The following FANCA variants were observed in gnomAD, a reference collection of about 807,000 sequenced individuals.
FANCA encodes the protein FA complementation group A.
A neutral mutation model predicts 194.3 loss-of-function variants in FANCA; 236 were observed. The ratio of observed to expected loss-of-function variants is 1.21; its 90% CI spans 1.09 to 1.35. FANCA has a LOEUF of 1.35. FANCA is among the 40% of genes most tolerant of loss of function. FANCA has a pLI of 0.00. For missense variants in FANCA, 2,628 were observed against 1,813.9 expected (o/e 1.45, Z -8.15); for synonymous variants, 1,014 against 715.8 (o/e 1.42, Z -6.65).
intron 21 of FANCA, among the ~76,000 whole-genome samples, chr16:89,775,256 G>A (rs1273264923): frequency 6.6e-6 from 1 of 152,128 alleles, no homozygotes; most frequent in Non-Finnish European, 1.5e-5. Flanking sequence ...AGCCTTTCAC[G>A]GATTCCCAAT....
At chr16:89,748,582 C>G in intron 33 of FANCA, 77 bp downstream of exon 33, 2 of 1,089,662 alleles carry the variant, frequency 1.8e-6, no homozygotes, top group Non-Finnish European at 2.8e-6. Flanking sequence ...TCAGTACACG[C>G]ATGGAGGCTG....
At chr16:89,810,128 C>T (rs930464555) in intron 5 of FANCA, among the ~76,000 whole-genome samples, 1 of 152,070 alleles carries the variant, frequency 6.6e-6, no homozygotes, top group Admixed American at 6.6e-5. Context: ...CGAGACCATC[C>T]TGGCTAACAC....
chr16:89,749,626 G>T, intron 32 of FANCA, 104 bp downstream of exon 32: 3 of 1,405,190 alleles, frequency 2.1e-6, no homozygotes, highest in Non-Finnish European at 3.0e-6. Context: ...ACACAGACAA[G>T]TAAGTAACGG....
intron 14 of FANCA, among the ~76,000 whole-genome samples, chr16:89,789,293 T>A (rs2039992054): frequency 9.1e-6 from 1 of 109,440 alleles, no homozygotes; most frequent in South Asian, 3.0e-4. Context: ...CAGCCTCAGC[T>A]CCTCAGAAGG....
intron 3 of FANCA, among the ~76,000 whole-genome samples, chr16:89,814,054 A>G (rs1321437264): frequency 4.6e-5 from 7 of 152,202 alleles, no homozygotes; most frequent in Non-Finnish European, 7.3e-5. Flanking sequence ...ACTGAAGGTT[A>G]TTTTAACAGA....
intron 14 of FANCA, among the ~76,000 whole-genome samples, chr16:89,786,595 G>T (rs957761851): frequency 3.3e-5 from 5 of 152,180 alleles, no homozygotes. Context: ...GGGATTACAG[G>T]CATGAACTAT....
intron 37 of FANCA, 149 bp downstream of exon 37, chr16:89,742,651 T>TAAAAAAAAAAAAAAAA: frequency 1.8e-6 from 1 of 556,162 alleles, no homozygotes; most frequent in East Asian, 4.7e-5. Flanking sequence ...CTACTAAAAA[T>TAAAAAAAAAAAAAAAA]ACAAAAAAAA....
At chr16:89,786,615 C>T (rs910046337) in intron 14 of FANCA, among the ~76,000 whole-genome samples, 1 of 152,176 alleles carries the variant, frequency 6.6e-6, no homozygotes, top group South Asian at 2.1e-4. Context: ...TCACACCTGA[C>T]CATGTGTAGA....
At chr16:89,748,292 C>G (rs889926888) in intron 33 of FANCA, among the ~76,000 whole-genome samples, 4 of 149,080 alleles carry the variant, frequency 2.7e-5, no homozygotes, top group Admixed American at 6.6e-5. Flanking sequence ...CAGCGGTAGT[C>G]AGATCACCAC....
intron 14 of FANCA, among the ~76,000 whole-genome samples, chr16:89,785,479 G>A (rs1490649806): frequency 1.3e-5 from 2 of 152,140 alleles, no homozygotes; most frequent in South Asian, 2.1e-4. Context: ...AAGGAACACA[G>A]GCCAAGGAGG....
At chr16:89,769,070 T>A (rs1821820460) in intron 26 of FANCA, among the ~76,000 whole-genome samples, 1 of 152,188 alleles carries the variant, frequency 6.6e-6, no homozygotes, top group Non-Finnish European at 1.5e-5. Context: ...CTCCCTCTCC[T>A]TGCTCCACGT....
Position 89,762,084 on chromosome 16 carries a change from T to G in FANCA, c.2779-62A>C, listed in dbSNP as rs1157837965. ...CAGAACACACAATCCACCGACAGGT[T>G]TATAAACCAGTTTGTCATTTCATCT... On this transcript the variant is annotated intron_variant, in intron 28 of 42. Transcript: ENST00000389301. The G allele has an allele frequency of 1.1e-5, 15 of 1,330,906 alleles. No individual in the cohort carries two copies. The East Asian group carries it at 3.0e-4, about 27-fold the overall frequency. 82.4% of individuals were successfully genotyped at this position (1,330,906 alleles called of 1,614,324 possible).
rs2039158459 is a variant in FANCA at position 89,767,182 on chromosome 16, C to T, written c.2560G>A (p.Asp854Asn). ...GGAGATAAGCAGCTGCACAAAGTAT[C>T]TCGTGACTGGGAAGAAAACTTGCAG... Reference protein sequence around the residue: ...SLCKFSSQSRDTLCSCLSPGL... With the variant: ...SLCKFSSQSRNTLCSCLSPGL... The change falls in exon 27 of 43, where the codon GAT (aspartate) becomes AAT (asparagine). Residue 854 changes from aspartate to asparagine, a missense_variant. Transcript: ENST00000389301. 1.2e-6 allele frequency: 2 copies of T among 1,614,052 alleles called. No individual in the cohort carries two copies. Among genetic ancestry groups the T allele is most frequent in the East Asian group, 2.2e-5 (1 of 44,884 alleles).
In FANCA at chr16:89,767,446, C is replaced by T. The variant is rs562027226; in HGVS notation, c.2505-209G>A. On this transcript the variant is annotated intron_variant, in intron 26 of 42. Coordinates refer to ENST00000389301, the MANE Select transcript of FANCA (RefSeq NM_000135.4). ...GCAGTGGCACCACCTGGGCTCACTGCAATCTCTGCCTCCCGGGTTCAAGCG... is the reference window on the plus strand; with the variant it reads ...GCAGTGGCACCACCTGGGCTCACTGTAATCTCTGCCTCCCGGGTTCAAGCG... 2.0e-5 allele frequency among the ~76,000 whole-genome samples: 3 copies of T among 152,166 alleles called. No individual in the cohort carries two copies. The East Asian group carries it at 5.8e-4, about 30-fold the overall frequency.
chr16:89,816,146 A>G, intron 1 of FANCA, 160 bp from the exon 2 acceptor site: 1 of 681,192 alleles, frequency 1.5e-6, no homozygotes, highest in Non-Finnish European at 2.7e-6. Flanking sequence ...AAACTAACGG[A>G]GACGGCCCCA....
At chr16:89,811,726 ATTTT>A (rs79432713) in intron 3 of FANCA, among the ~76,000 whole-genome samples, 12 of 151,124 alleles carry the variant, frequency 7.9e-5, no homozygotes, top group African/African-American at 1.2e-4. Flanking sequence ...TCCAAAATTA[ATTTT>A]TTTTTGTTTT....
intron 14 of FANCA, among the ~76,000 whole-genome samples, chr16:89,785,859 T>TTTTG (rs2039878672): frequency 7.1e-6 from 1 of 140,452 alleles, no homozygotes; most frequent in African/African-American, 2.7e-5. Flanking sequence ...TTGTGTTTTG[T>TTTTG]TTTTTTTTTT....
At chr16:89,770,317 A>G in intron 24 of FANCA, 58 bp from the exon 25 acceptor site, 1 of 1,421,814 alleles carries the variant, frequency 7.0e-7, no homozygotes, top group South Asian at 1.2e-5. Context: ...ACATCCCTCC[A>G]ACAGCTAATC....
chr16:89,749,929 G>A (rs1242652864), intron 31 of FANCA, 27 bp from the exon 32 acceptor site: 2 of 1,612,988 alleles, frequency 1.2e-6, no homozygotes, highest in Admixed American at 1.7e-5. Flanking sequence ...TGCTGGCACA[G>A]GAAGGCCTCG....
Sources: gnomAD v4.1 joint callset for allele counts (sites outside exome capture counted in the v4.1 genomes callset) on GRCh38, gnomAD v4.1.1 for gene constraint, MANE v1.5 for transcripts, NCBI Gene and HGNC (gene_info 2026-07-23, HGNC 2026-07-21) for gene names.